Variants in NTN1 observed in about 807,000 individuals in gnomAD.
The protein encoded by NTN1 is netrin-1.
A neutral mutation model predicts 54.2 loss-of-function variants in NTN1; 11 were observed. The observed-to-expected ratio is 0.20, with a 90% CI of 0.13 to 0.34. NTN1 has a LOEUF of 0.34. Among genes scored for constraint, NTN1 ranks in the 10% least tolerant of loss-of-function variants. The pLI is 1.00. For missense variants in NTN1, 740 were observed against 893.1 expected, an observed-to-expected ratio of 0.83 and a Z score of 2.18; for synonymous variants, 371 against 382.0, an observed-to-expected ratio of 0.97 and a Z score of 0.33.
chr17:9,032,677 C>A (rs1323800466), intron 2 of NTN1, among the ~76,000 whole-genome samples: 1 of 152,292 alleles, frequency 6.6e-6, no homozygotes, highest in East Asian at 1.9e-4. Context: ...GCATCTGAAA[C>A]GTGAAAGTAC....
At chr17:9,060,070 G>A (rs1279949655) in intron 2 of NTN1, among the ~76,000 whole-genome samples, 1 of 152,122 alleles carries the variant, frequency 6.6e-6, no homozygotes, top group South Asian at 2.1e-4. Context: ...ATTAGAGTAG[G>A]ATACATAATG....
At chr17:9,122,192 C>T (rs1474618507) in intron 2 of NTN1, among the ~76,000 whole-genome samples, 6 of 151,926 alleles carry the variant, frequency 3.9e-5, no homozygotes, top group Non-Finnish European at 8.8e-5. Flanking sequence ...TGCCCGCCAC[C>T]ACACCCAGCT....
chr17:9,186,169 C>T (rs1597526308), intron 5 of NTN1, among the ~76,000 whole-genome samples: 1 of 152,142 alleles, frequency 6.6e-6, no homozygotes, highest in East Asian at 1.9e-4. Flanking sequence ...TAGCATCTGC[C>T]ACTTCCCTTG....
intron 6 of NTN1, among the ~76,000 whole-genome samples, chr17:9,234,169 C>A (rs1368032428): frequency 6.6e-6 from 1 of 152,218 alleles, no homozygotes; most frequent in African/African-American, 2.4e-5. Context: ...GGCAGGGCGG[C>A]AGGTGTGGGT....
At chr17:9,117,609 T>G (rs1201978087) in intron 2 of NTN1, among the ~76,000 whole-genome samples, 1 of 151,816 alleles carries the variant, frequency 6.6e-6, no homozygotes, top group Non-Finnish European at 1.5e-5. Flanking sequence ...CCAGGTGTGG[T>G]GGTGCACACC....
At chr17:9,114,943 A>ACAAGG (rs1235246382) in intron 2 of NTN1, among the ~76,000 whole-genome samples, 3 of 152,302 alleles carry the variant, frequency 2.0e-5, no homozygotes, top group African/African-American at 7.2e-5. Context: ...ACCCAAGGGC[A>ACAAGG]GTCTGTATTT....
In NTN1 at chr17:9,211,807, GT is replaced by G. The variant is rs1905114632; in HGVS notation, c.1412-9359del. ...AGATTGAACATGGGTGCATCTCTTTGTTCCCTTTTTATTTCCTCTTTTGTGA... is the reference window on the plus strand; with the variant it reads ...AGATTGAACATGGGTGCATCTCTTTGTCCCTTTTTATTTCCTCTTTTGTGA... On this transcript the variant is annotated intron_variant, in intron 5 of 6. Transcript: ENST00000173229. The surrounding 1 kb of genome is among the most constrained non-coding windows in gnomAD (Gnocchi z 4.4). 6.6e-6 allele frequency among the ~76,000 whole-genome samples: 1 copy of G among 152,178 alleles called. No individual in the cohort carries two copies. Among genetic ancestry groups the G allele is most frequent in the Admixed American group, 6.5e-5 (1 of 15,268 alleles).
chr17:9,057,785 T>C (rs1282987123), intron 2 of NTN1, among the ~76,000 whole-genome samples: 1 of 152,262 alleles, frequency 6.6e-6, no homozygotes. Context: ...TTTAATTTCA[T>C]GAGAATCGTA....
the NTN1 span, among the ~76,000 whole-genome samples, chr17:9,006,696 C>A: frequency 6.6e-6 from 1 of 152,118 alleles, no homozygotes; most frequent in African/African-American, 2.4e-5. Context: ...AATGCTATGC[C>A]CAGATATGGC....
At chr17:9,052,649 A>G (rs1300063841) in intron 2 of NTN1, among the ~76,000 whole-genome samples, 1 of 152,256 alleles carries the variant, frequency 6.6e-6, no homozygotes, top group East Asian at 1.9e-4. Flanking sequence ...TTAGTGGTGC[A>G]TATCAGTAGT....
intron 5 of NTN1, among the ~76,000 whole-genome samples, chr17:9,190,997 A>G (rs1427575711): frequency 6.6e-6 from 1 of 152,186 alleles, no homozygotes; most frequent in Non-Finnish European, 1.5e-5. Flanking sequence ...TAAAATAATA[A>G]CAAAATATGC....
chr17:9,111,893 G>A (rs1246795043), intron 2 of NTN1, among the ~76,000 whole-genome samples: 1 of 152,162 alleles, frequency 6.6e-6, no homozygotes, highest in South Asian at 2.1e-4. Context: ...ACTGTCTCAG[G>A]GGTGGCAGAG....
intron 2 of NTN1, among the ~76,000 whole-genome samples, chr17:9,094,517 G>A (rs545558104): frequency 1.3e-5 from 2 of 151,988 alleles, no homozygotes; most frequent in Non-Finnish European, 2.9e-5. Flanking sequence ...TAAAATGTGT[G>A]TATATATACA....
At chr17:9,238,197 T>C (rs1297554276) in intron 6 of NTN1, among the ~76,000 whole-genome samples, 1 of 152,000 alleles carries the variant, frequency 6.6e-6, no homozygotes, top group Non-Finnish European at 1.5e-5. Context: ...GGTTCCATTG[T>C]CTGGAGTGGT....
intron 2 of NTN1, among the ~76,000 whole-genome samples, chr17:9,069,087 C>A (rs2092024765): frequency 6.6e-6 from 1 of 152,012 alleles, no homozygotes. Context: ...AGCCTCTTGC[C>A]TCCTAGCCTG....
chr17:9,003,471 C>T, the NTN1 span, among the ~76,000 whole-genome samples: 1 of 151,032 alleles, frequency 6.6e-6, no homozygotes, highest in Non-Finnish European at 1.5e-5. The surrounding 1 kb of genome is among the most constrained non-coding windows in gnomAD (Gnocchi z 7.4). Flanking sequence ...CCAGCCTGCT[C>T]CGGGCCGCGA....
At chr17:9,047,008 C>T (rs2091943379) in intron 2 of NTN1, among the ~76,000 whole-genome samples, 2 of 152,332 alleles carry the variant, frequency 1.3e-5, no homozygotes, top group African/African-American at 4.8e-5. Context: ...TTACGCTATA[C>T]TGTAGTCTGT....
chr17:9,074,347 C>T (rs547655777), intron 2 of NTN1, among the ~76,000 whole-genome samples: 56 of 152,328 alleles, frequency 3.7e-4, no homozygotes, highest in Non-Finnish European at 6.5e-4. Flanking sequence ...TCTCTCTGCG[C>T]GTGGCCTTGG....
intron 4 of NTN1, among the ~76,000 whole-genome samples, chr17:9,182,525 T>A (rs1567731623): frequency 6.6e-6 from 1 of 152,214 alleles, no homozygotes; most frequent in Non-Finnish European, 1.5e-5. Context: ...ACCTGTGAGT[T>A]GAGCTTAGAG....
Sources: allele counts gnomAD v4.1 joint callset (sites outside exome capture counted in the v4.1 genomes callset), GRCh38; gene constraint gnomAD v4.1.1; non-coding constraint Gnocchi (gnomAD v3.1); transcripts MANE v1.5; gene names NCBI Gene and HGNC (gene_info 2026-07-23, HGNC 2026-07-21).